The following SNUPN variants were observed in gnomAD, a reference collection of about 807,000 sequenced individuals.
SNUPN encodes snurportin-1.
SNUPN carries 31 observed loss-of-function variants against 39.2 expected under a neutral mutation model. The ratio of observed to expected loss-of-function variants is 0.79; its 90% CI spans 0.59 to 1.07. The LOEUF (loss-of-function observed/expected upper bound fraction) is 1.07. SNUPN is among the 50% of genes least tolerant of loss of function. The pLI is 0.00. For synonymous variants in SNUPN, 132 were observed against 159.0 expected (o/e 0.83, Z 1.28); for missense variants, 382 against 434.2 (o/e 0.88, Z 1.07).
Position 75,614,119 on chromosome 15 carries a change from C to T in SNUPN, c.303+3289G>A, listed in dbSNP as rs927922325. 5.9e-5 allele frequency among the ~76,000 whole-genome samples: 9 copies of T among 151,966 alleles called. No individual in the cohort carries two copies. In the East Asian group the frequency reaches 1.4e-3, roughly 23 times the overall value. Reference sequence around the variant, plus strand: ...AGCCTGGCCAACATGGTGAAACTCCCGTCTCTACTAAAAATATAAAAATTA... The same window carrying T: ...AGCCTGGCCAACATGGTGAAACTCCTGTCTCTACTAAAAATATAAAAATTA... On this transcript the variant is annotated intron_variant, in intron 3 of 8. Coordinates refer to ENST00000308588, the MANE Select transcript of SNUPN (RefSeq NM_005701.4).
intron 1 of SNUPN, among the ~76,000 whole-genome samples, chr15:75,623,872 A>G (rs1293636945): frequency 1.3e-5 from 2 of 150,204 alleles, no homozygotes; most frequent in African/African-American, 4.9e-5. Flanking sequence ...TATGTATGCT[A>G]TTGTCTCTAC....
chr15:75,607,164 C>T, intron 6 of SNUPN, 52 bp downstream of exon 6: 1 of 1,343,098 alleles, frequency 7.4e-7, no homozygotes, highest in Admixed American at 1.7e-5. Flanking sequence ...GCCGCTTTCC[C>T]AGGAGGAGAG....
intron 2 of SNUPN, 26 bp from the exon 3 acceptor site, chr15:75,617,578 A>C: frequency 1.9e-6 from 3 of 1,582,560 alleles, no homozygotes; most frequent in Non-Finnish European, 2.6e-6. Flanking sequence ...AGGCATAAGG[A>C]CATATCTTTT....
chr15:75,606,323 G>A (rs1158237129), intron 6 of SNUPN, among the ~76,000 whole-genome samples: 2 of 151,994 alleles, frequency 1.3e-5, no homozygotes, highest in African/African-American at 4.8e-5. Flanking sequence ...CTAGTATGCG[G>A]GAATGGCTTA....
intron 6 of SNUPN, 136 bp downstream of exon 6, chr15:75,607,080 A>T: frequency 1.4e-6 from 1 of 703,912 alleles, no homozygotes; most frequent in Admixed American, 2.0e-5. Context: ...TGCAGGGAGC[A>T]TTAGATAATG....
chr15:75,617,529 T>C lies in SNUPN; in HGVS notation c.182A>G (p.His61Arg). 6.2e-7 allele frequency: 1 copy of C among 1,613,666 alleles called. No homozygotes were observed. The change falls in exon 3 of 9, where the codon CAT becomes CGT. Residue 61 changes from histidine (H) to arginine (R), a missense_variant. By Grantham distance (29) the His-to-Arg change is conservative (BLOSUM62 0). Coordinates refer to ENST00000308588, the MANE Select transcript of SNUPN (RefSeq NM_005701.4). ...QKSKRLDYVNHARRLAEDDWT... is the reference protein window; with the variant it reads ...QKSKRLDYVNRARRLAEDDWT... ...GTCATCTTCAGCCAGTCTTCTGGCA[T>C]GGTTCACATAATCCAGCCGCTTGCT... is the stretch of plus-strand genomic sequence containing the variant.
Position 75,621,064 on chromosome 15 carries a change from G to A in SNUPN, c.-5-8C>T. ...TCAACTCTTCCATCTTCCCTACAAA[G>A]GAAAACGTAAGAAAATGGTTCATTC... On this transcript the variant is annotated splice_polypyrimidine_tract_variant and splice_region_variant and intron_variant, in intron 1 of 8. Coordinates refer to ENST00000308588, the MANE Select transcript of SNUPN (RefSeq NM_005701.4). The A allele has an allele frequency of 6.2e-7, 1 of 1,613,390 alleles. No individual in the cohort carries two copies. The highest frequency in any genetic ancestry group is 8.5e-7 in the Non-Finnish European group (1 of 1,179,780).
chr15:75,617,404 T>C lies in SNUPN; in HGVS notation c.303+4A>G, dbSNP rs1344579462. The C allele has an allele frequency of 6.2e-7, 1 of 1,613,068 alleles. No homozygotes were observed. The highest frequency in any genetic ancestry group is 1.3e-5 in the African/African-American group (1 of 74,920). On this transcript the variant is annotated splice_donor_region_variant and intron_variant, in intron 3 of 8. Coordinates refer to ENST00000308588, the MANE Select transcript of SNUPN (RefSeq NM_005701.4). Reference sequence around the variant, plus strand: ...CTGGGTCTCATCTTCTCTGGACCACTTACTTGATTAGCATAGTGTTTTGGT... The same window carrying C: ...CTGGGTCTCATCTTCTCTGGACCACCTACTTGATTAGCATAGTGTTTTGGT...
chr15:75,616,624 C>A (rs755685921), intron 3 of SNUPN, among the ~76,000 whole-genome samples: 78 of 152,240 alleles, frequency 5.1e-4, no homozygotes, highest in Non-Finnish European at 9.1e-4. Context: ...GGGGAGAATT[C>A]TGAGATGACA....
intron 3 of SNUPN, among the ~76,000 whole-genome samples, chr15:75,614,502 A>G (rs961716916): frequency 6.6e-6 from 1 of 152,194 alleles, no homozygotes; most frequent in African/African-American, 2.4e-5. Flanking sequence ...ACCTCATGCT[A>G]AGTAAAAGAA....
At chr15:75,618,775 C>T (rs1192878485) in intron 2 of SNUPN, among the ~76,000 whole-genome samples, 2 of 151,982 alleles carry the variant, frequency 1.3e-5, no homozygotes, top group Non-Finnish European at 2.9e-5. Flanking sequence ...TATATTTGTA[C>T]ATGTGTGAAA....
chr15:75,619,969 G>A (rs1234709418), intron 2 of SNUPN, among the ~76,000 whole-genome samples: 3 of 152,010 alleles, frequency 2.0e-5, no homozygotes, highest in Admixed American at 2.0e-4. Context: ...GGCCAGTCTC[G>A]AACTCCTGAC....
chr15:75,620,814 T>C, intron 2 of SNUPN, 80 bp downstream of exon 2: 3 of 1,278,412 alleles, frequency 2.3e-6, no homozygotes, highest in Non-Finnish European at 3.3e-6. Context: ...GGAGAGTCTG[T>C]AGAGACAAGC....
rs1438103609 is a variant in SNUPN at position 75,600,978 on chromosome 15, G to A, written c.759+160C>T. 4.9e-6 allele frequency: 3 copies of A among 608,550 alleles called. No individual in the cohort carries two copies. In the African/African-American group the frequency reaches 5.5e-5, roughly 11 times the overall value. 37.7% of individuals were successfully genotyped at this position (608,550 alleles called of 1,614,324 possible). On this transcript the variant is annotated intron_variant, in intron 8 of 8. Coordinates refer to ENST00000308588, the MANE Select transcript of SNUPN (RefSeq NM_005701.4). ...CTTATCCAGCATGGGTGGAGCTCAG[G>A]CTCTGAAGGGCAGCAAGTACATCCT...
At chr15:75,604,301 C>A (rs1432364968) in intron 7 of SNUPN, among the ~76,000 whole-genome samples, 1 of 151,990 alleles carries the variant, frequency 6.6e-6, no homozygotes, top group Middle Eastern at 3.4e-3. Context: ...GCTGGGATTA[C>A]AGGCGTGCAC....
intron 3 of SNUPN, among the ~76,000 whole-genome samples, chr15:75,611,715 C>T (rs1309447103): frequency 6.6e-6 from 1 of 151,788 alleles, no homozygotes; most frequent in Non-Finnish European, 1.5e-5. Flanking sequence ...ATTAGCCAGG[C>T]GTGGTGGCAT....
rs757719729 is a variant in SNUPN at position 75,624,859 on chromosome 15, A to G, written c.-6+807T>C. The G allele has an allele frequency of 1.2e-4, 48 of 404,766 alleles. 1 individual carries two copies. Among genetic ancestry groups the G allele is most frequent in the South Asian group, 6.1e-4 (26 of 42,954 alleles). The allele number at this position is 404,766 out of a possible 1,614,324, so 25.1% of individuals were successfully genotyped here. A position where few individuals can be genotyped will look rare whatever the true frequency, so the allele number is the denominator to read the frequency against. On this transcript the variant is annotated intron_variant, in intron 1 of 8. Coordinates refer to ENST00000308588, the MANE Select transcript of SNUPN (RefSeq NM_005701.4). ...ATGATCTCGGCTCACTGCAACCTCCATCTCCCGGATTCAAGCGATTCTCCT... is the reference window on the plus strand; with the variant it reads ...ATGATCTCGGCTCACTGCAACCTCCGTCTCCCGGATTCAAGCGATTCTCCT...
At chr15:75,614,935 A>T (rs911363347) in intron 3 of SNUPN, among the ~76,000 whole-genome samples, 1 of 152,126 alleles carries the variant, frequency 6.6e-6, no homozygotes, top group African/African-American at 2.4e-5. Flanking sequence ...TAAGAAACCA[A>T]AGACTTAGAG....
chr15:75,622,795 T>C (rs1016696876), intron 1 of SNUPN, among the ~76,000 whole-genome samples: 11 of 152,298 alleles, frequency 7.2e-5, no homozygotes, highest in Middle Eastern at 3.4e-3. Flanking sequence ...TGAAGTCAGA[T>C]ATTTTTCTTG....
Sources: gnomAD v4.1 joint callset for allele counts (sites outside exome capture counted in the v4.1 genomes callset) on GRCh38, gnomAD v4.1.1 for gene constraint, MANE v1.5 for transcripts, NCBI Gene and HGNC (gene_info 2026-07-23, HGNC 2026-07-21) for gene names.